Variants in SS18 observed in about 807,000 individuals in gnomAD.
SS18 encodes the protein protein SSXT.
SS18 carries 28 observed loss-of-function variants against 72.5 expected under a neutral mutation model. The ratio of observed to expected loss-of-function variants is 0.39; its 90% CI spans 0.29 to 0.53. SS18 has a LOEUF of 0.53. Among genes scored for constraint, SS18 ranks in the 20% least tolerant of loss-of-function variants. The pLI is 0.76. For synonymous variants in SS18, 172 were observed against 164.2 expected, an observed-to-expected ratio of 1.05 and a Z score of -0.37; for missense variants, 518 against 535.3, an observed-to-expected ratio of 0.97 and a Z score of 0.32.
intron 9 of SS18, among the ~76,000 whole-genome samples, chr18:26,032,926 AACTTCTG>A: frequency 6.6e-6 from 1 of 152,220 alleles, no homozygotes; most frequent in South Asian, 2.1e-4. Flanking sequence ...ATACTGAAAT[AACTTCTG>A]AATAAAGTGG....
rs537613582 is a variant in SS18, at chr18:26,049,274, T to A, written c.607+3350A>T. On this transcript the variant is annotated intron_variant, in intron 5 of 10. Transcript: ENST00000415083. Reference sequence around the variant, plus strand: ...TGCCTTTTCATACACTGAATGTACTTGTTGATTAAATAAACATTTTTCAGA... The same window carrying A: ...TGCCTTTTCATACACTGAATGTACTAGTTGATTAAATAAACATTTTTCAGA... 2.6e-4 allele frequency among the ~76,000 whole-genome samples: 36 copies of A among 139,130 alleles called. 1 individual carries two copies. The highest frequency in any genetic ancestry group is 9.6e-4 in the African/African-American group (29 of 30,270). The allele number at this position is 139,130 out of a possible 152,430, so 91.3% of individuals were successfully genotyped here. A position where few individuals can be genotyped will look rare whatever the true frequency, so the allele number is the denominator to read the frequency against.
intron 1 of SS18, chr18:26,090,163 G>A (rs990588738): frequency 6.7e-6 from 2 of 298,558 alleles, no homozygotes; most frequent in Non-Finnish European, 1.2e-5. Context: ...CGGGGCCGCC[G>A]GTCCGACACA....
At chr18:26,076,357 C>T (rs1225121643) in intron 3 of SS18, among the ~76,000 whole-genome samples, 1 of 150,954 alleles carries the variant, frequency 6.6e-6, no homozygotes, top group East Asian at 1.9e-4. Flanking sequence ...ACAGATCAGA[C>T]ACAGACCCAC....
chr18:26,024,200 C>A (rs972461973), intron 10 of SS18, among the ~76,000 whole-genome samples: 1 of 151,940 alleles, frequency 6.6e-6, no homozygotes, highest in African/African-American at 2.4e-5. Context: ...TATTTGAAAA[C>A]GAAATTACAG....
chr18:26,032,849 C>G (rs142871493), intron 9 of SS18, among the ~76,000 whole-genome samples: 2 of 152,024 alleles, frequency 1.3e-5, no homozygotes, highest in Non-Finnish European at 2.9e-5. Context: ...TTAATCAATA[C>G]GTCTGATAGC....
At position 26,048,480 on chromosome 18, in the gene SS18, T is replaced by C. The variant is rs558993390; in HGVS notation, c.607+4144A>G. Among the ~76,000 whole-genome samples the C allele has an allele frequency of 9.8e-5, 15 of 152,340 alleles. No homozygotes were observed. In the East Asian group the frequency reaches 2.5e-3, roughly 25 times the overall value. On this transcript the variant is annotated intron_variant, in intron 5 of 10. Coordinates refer to ENST00000415083, the MANE Select transcript of SS18 (RefSeq NM_001007559.3). ...ATAAACTACCATGTAAAAATACATA[T>C]GTAAAAGTAAATGCTAGGCCTATCT... is the stretch of plus-strand genomic sequence containing the variant.
chr18:26,044,608 G>C (rs1177707184), intron 5 of SS18, among the ~76,000 whole-genome samples: 1 of 151,898 alleles, frequency 6.6e-6, no homozygotes, highest in African/African-American at 2.4e-5. Context: ...ACAAGCATGA[G>C]CCACCACACC....
Position 26,017,990 on chromosome 18 carries a change from A to G in SS18, c.*364T>C. ...ATTTCCCTCTTCCCCTTACAAAAAAATCTGTGGAAAAGTATTAAATTCCCT... is the reference window on the plus strand; with the variant it reads ...ATTTCCCTCTTCCCCTTACAAAAAAGTCTGTGGAAAAGTATTAAATTCCCT... On this transcript the variant is annotated 3_prime_UTR_variant, in exon 11 of 11. Coordinates refer to ENST00000415083, the MANE Select transcript of SS18 (RefSeq NM_001007559.3). The G allele has an allele frequency of 8.1e-6, 2 of 245,564 alleles. No individual in the cohort carries two copies. Among genetic ancestry groups the G allele is most frequent in the Non-Finnish European group, 7.9e-6 (1 of 125,978 alleles). The allele number at this position is 245,564 out of a possible 1,614,324, so 15.2% of individuals were successfully genotyped here.
chr18:26,022,971 A>C (rs1326164561), intron 10 of SS18, among the ~76,000 whole-genome samples: 1 of 152,236 alleles, frequency 6.6e-6, no homozygotes, highest in Non-Finnish European at 1.5e-5. Context: ...ATGAGTATTT[A>C]GCCCAGGACT....
chr18:26,057,012 G>A (rs747619532), intron 4 of SS18, among the ~76,000 whole-genome samples: 5 of 152,054 alleles, frequency 3.3e-5, no homozygotes, highest in Non-Finnish European at 7.4e-5. Flanking sequence ...ATAATGTAAG[G>A]AAGTTTACAT....
intron 3 of SS18, among the ~76,000 whole-genome samples, chr18:26,076,812 G>A (rs1461719247): frequency 6.6e-6 from 1 of 151,760 alleles, no homozygotes; most frequent in Non-Finnish European, 1.5e-5. Context: ...ATGACTGCAA[G>A]GGATTTAAAC....
At chr18:26,047,599 T>C (rs1370266695) in intron 5 of SS18, among the ~76,000 whole-genome samples, 1 of 152,010 alleles carries the variant, frequency 6.6e-6, no homozygotes, top group Non-Finnish European at 1.5e-5. Flanking sequence ...CCCAGCACTT[T>C]GGGAGGCCAA....
At chr18:26,053,761 C>T (rs2053964459) in intron 4 of SS18, among the ~76,000 whole-genome samples, 1 of 152,190 alleles carries the variant, frequency 6.6e-6, no homozygotes, top group Non-Finnish European at 1.5e-5. Context: ...TGAGACCGAA[C>T]TTTCACCTCT....
At chr18:26,044,066 G>T (rs928358232) in intron 5 of SS18, among the ~76,000 whole-genome samples, 6 of 152,124 alleles carry the variant, frequency 3.9e-5, no homozygotes, top group African/African-American at 1.4e-4. Flanking sequence ...TACAGCAAGA[G>T]GATACCTATC....
At chr18:26,041,907 C>T (rs1036519035) in intron 5 of SS18, among the ~76,000 whole-genome samples, 1 of 152,044 alleles carries the variant, frequency 6.6e-6, no homozygotes, top group Non-Finnish European at 1.5e-5. Context: ...TCAATTACTA[C>T]CCTTCTTTTA....
rs913649275 is a variant in SS18, at chr18:26,026,185, G to C, written c.1230+6214C>G. Among the ~76,000 whole-genome samples the C allele has an allele frequency of 1.1e-4, 17 of 152,164 alleles. No individual in the cohort carries two copies. The East Asian group carries it at 1.5e-3, about 14-fold the overall frequency. On this transcript the variant is annotated intron_variant, in intron 10 of 10. Transcript: ENST00000415083. ...TGACTGGCTAGATTTTTATAGAGGT[G>C]GGGGGTCTTGCTTTGTTGCCCAGAC... is the stretch of plus-strand genomic sequence containing the variant.
At chr18:26,043,889 C>A (rs1226210927) in intron 5 of SS18, among the ~76,000 whole-genome samples, 1 of 152,104 alleles carries the variant, frequency 6.6e-6, no homozygotes, top group Non-Finnish European at 1.5e-5. Flanking sequence ...TAGAAAAAAT[C>A]TCATAAAAGT....
intron 3 of SS18, among the ~76,000 whole-genome samples, chr18:26,071,679 T>C (rs1210033986): frequency 6.6e-6 from 1 of 152,004 alleles, no homozygotes; most frequent in Non-Finnish European, 1.5e-5. Context: ...AATACAAAAA[T>C]CAGCCAGGCA....
At position 26,086,413 on chromosome 18, in the gene SS18, C is replaced by G. The variant is rs564550968; in HGVS notation, c.146+1088G>C. On this transcript the variant is annotated intron_variant, in intron 2 of 10. Coordinates refer to ENST00000415083, the MANE Select transcript of SS18 (RefSeq NM_001007559.3). Reference sequence around the variant, plus strand: ...CACAATAGGTTTCCAAGATTTAGAACAACAAAGAAAAGAATGCAATATATC... The same window carrying G: ...CACAATAGGTTTCCAAGATTTAGAAGAACAAAGAAAAGAATGCAATATATC... 1.1e-4 allele frequency among the ~76,000 whole-genome samples: 16 copies of G among 152,102 alleles called. No homozygotes were observed. The South Asian group carries it at 2.7e-3, about 26-fold the overall frequency.
Sources: allele counts gnomAD v4.1 joint callset (sites outside exome capture counted in the v4.1 genomes callset), GRCh38; gene constraint gnomAD v4.1.1; transcripts MANE v1.5; gene names NCBI Gene and HGNC (gene_info 2026-07-23, HGNC 2026-07-21).